LRRC9: variants seen among roughly 807,000 people sequenced by gnomAD.
The protein encoded by LRRC9 is leucine-rich repeat-containing protein 9.
Under a neutral mutation model 63.2 loss-of-function variants are expected in LRRC9, and 122 were observed. The observed-to-expected ratio is 1.93, with a 90% confidence interval of 1.67 to 2.24. The LOEUF (loss-of-function observed/expected upper bound fraction) is 2.24. Among genes scored for constraint, LRRC9 ranks in the 30% most tolerant of loss-of-function variants. The pLI is 0.00. For missense variants in LRRC9, 1,071 were observed against 627.7 expected (o/e 1.71, Z -7.55); for synonymous variants, 366 against 213.1 (o/e 1.72, Z -6.25).
At chr14:59,991,258 C>T (rs1312046431) in intron 17 of LRRC9, among the ~76,000 whole-genome samples, 2 of 152,196 alleles carry the variant, frequency 1.3e-5, no homozygotes, top group Admixed American at 1.3e-4. Flanking sequence ...TGGACAATTT[C>T]TATGCCCTTC....
At chr14:60,035,251 C>G (rs942432251) in intron 29 of LRRC9, among the ~76,000 whole-genome samples, 2 of 152,014 alleles carry the variant, frequency 1.3e-5, no homozygotes, top group African/African-American at 2.4e-5. Context: ...GATTACTAAT[C>G]CCTTGTCAGA....
intron 27 of LRRC9, among the ~76,000 whole-genome samples, chr14:60,024,723 A>G (rs1379317712): frequency 6.6e-6 from 1 of 152,060 alleles, no homozygotes. Context: ...ATGTTTGTTA[A>G]CATGGTATTA....
chr14:59,935,710 C>T (rs1275478323), intron 6 of LRRC9, among the ~76,000 whole-genome samples: 2 of 152,180 alleles, frequency 1.3e-5, no homozygotes, highest in Non-Finnish European at 2.9e-5. Flanking sequence ...AATGTTACAG[C>T]TAATGATATC....
intron 26 of LRRC9, among the ~76,000 whole-genome samples, chr14:60,022,104 T>C (rs1434656951): frequency 1.3e-5 from 2 of 151,856 alleles, no homozygotes; most frequent in East Asian, 3.9e-4. Context: ...TTTAGTAATA[T>C]GGAATCTTCT....
intron 8 of LRRC9, among the ~76,000 whole-genome samples, chr14:59,959,113 A>G (rs2139960580): frequency 6.6e-6 from 1 of 152,366 alleles, no homozygotes; most frequent in Non-Finnish European, 1.5e-5. Flanking sequence ...CTGAGATTAG[A>G]GTTAGACAAA....
intron 23 of LRRC9, 71 bp from the exon 24 acceptor site, chr14:60,016,589 C>T (rs1890702815): frequency 1.7e-6 from 1 of 601,514 alleles, no homozygotes; most frequent in Non-Finnish European, 3.1e-6. Context: ...GAATTTTTAC[C>T]TAAAACCAGA....
intron 29 of LRRC9, among the ~76,000 whole-genome samples, chr14:60,050,856 C>T (rs1893835641): frequency 6.6e-6 from 1 of 152,134 alleles, no homozygotes; most frequent in South Asian, 2.1e-4. Context: ...TGCTGGGGGT[C>T]CACCGCAGAC....
chr14:60,000,242 T>C (rs1027301045), intron 19 of LRRC9, among the ~76,000 whole-genome samples: 1 of 152,014 alleles, frequency 6.6e-6, no homozygotes, highest in Admixed American at 6.6e-5. Flanking sequence ...AGCTAAACAT[T>C]GGGTACACAT....
chr14:59,943,915 T>C (rs1017178671), intron 7 of LRRC9, among the ~76,000 whole-genome samples: 3 of 152,034 alleles, frequency 2.0e-5, no homozygotes, highest in East Asian at 1.9e-4. Context: ...TTTTTTATAA[T>C]GCCTCAAATT....
intron 29 of LRRC9, among the ~76,000 whole-genome samples, chr14:60,038,935 C>T (rs937647768): frequency 4.6e-5 from 7 of 152,126 alleles, no homozygotes; most frequent in Non-Finnish European, 8.8e-5. Flanking sequence ...TTTTGAGATA[C>T]GTCCCATCAG....
At chr14:60,005,361 T>C (rs1889731181) in intron 21 of LRRC9, among the ~76,000 whole-genome samples, 2 of 152,236 alleles carry the variant, frequency 1.3e-5, no homozygotes, top group South Asian at 2.1e-4. Context: ...TTTTGCTTTG[T>C]ACATACAATT....
chr14:59,974,461 C>T (rs953703035), intron 12 of LRRC9, 115 bp from the exon 13 acceptor site: 3 of 427,972 alleles, frequency 7.0e-6, no homozygotes, highest in Admixed American at 4.3e-5. Context: ...TCAGTGAGTC[C>T]GGCCTGCAGA....
At chr14:59,957,139 G>A (rs1335610548) in intron 8 of LRRC9, among the ~76,000 whole-genome samples, 1 of 152,116 alleles carries the variant, frequency 6.6e-6, no homozygotes, top group East Asian at 1.9e-4. Flanking sequence ...TCTTAATGGT[G>A]TTCTCTGTAT....
At chr14:60,012,918 T>C (rs528887477) in intron 23 of LRRC9, among the ~76,000 whole-genome samples, 84 of 142,626 alleles carry the variant, frequency 5.9e-4, no homozygotes, top group Middle Eastern at 3.6e-3. Context: ...TTTTATTTTT[T>C]ATTTATTTTT....
intron 16 of LRRC9, among the ~76,000 whole-genome samples, chr14:59,984,675 G>A (rs959446572): frequency 1.3e-5 from 2 of 151,966 alleles, no homozygotes; most frequent in Non-Finnish European, 2.9e-5. Flanking sequence ...TCTTTGGTTC[G>A]GTGCCCTCAT....
intron 29 of LRRC9, among the ~76,000 whole-genome samples, chr14:60,034,538 A>G (rs1162141272): frequency 6.6e-6 from 1 of 151,966 alleles, no homozygotes; most frequent in East Asian, 1.9e-4. Flanking sequence ...CCACCAATCT[A>G]GTCTTTGTCT....
chr14:59,983,010 A>G (rs1323387288), intron 16 of LRRC9, among the ~76,000 whole-genome samples: 3 of 152,234 alleles, frequency 2.0e-5, no homozygotes, highest in Admixed American at 6.5e-5. Flanking sequence ...TTATGCCGAG[A>G]CAATTCTACT....
chr14:59,999,006 GA>G, intron 18 of LRRC9, 94 bp from the exon 19 acceptor site: 1 of 515,390 alleles, frequency 1.9e-6, no homozygotes, highest in Non-Finnish European at 3.4e-6. Context: ...GGAAATGTAT[GA>G]TTTTGAATTA....
At chr14:60,041,968 G>A (rs1210218203) in intron 29 of LRRC9, among the ~76,000 whole-genome samples, 4 of 152,098 alleles carry the variant, frequency 2.6e-5, no homozygotes, top group Non-Finnish European at 5.9e-5. Flanking sequence ...TCTTTCTAAC[G>A]GTCAGGACCC....
Sources: gnomAD v4.1 joint callset for allele counts (sites outside exome capture counted in the v4.1 genomes callset) on GRCh38, gnomAD v4.1.1 for gene constraint, MANE v1.5 for transcripts, NCBI Gene and HGNC (gene_info 2026-07-23, HGNC 2026-07-21) for gene names.